SNAP25: variants seen among roughly 807,000 people sequenced by gnomAD.
SNAP25 encodes the protein synaptosomal-associated protein 25.
Under a neutral mutation model 28.7 loss-of-function variants are expected in SNAP25, and 3 were observed. That is an observed-to-expected ratio of 0.10 (90% CI 0.05 to 0.27). SNAP25 has a LOEUF of 0.27. SNAP25 is among the 10% of genes least tolerant of loss of function. SNAP25 has a pLI of 1.00. For missense variants in SNAP25, 117 were observed against 278.7 expected (o/e 0.42, Z 4.13); for synonymous variants, 61 against 88.1 (o/e 0.69, Z 1.72).
At chr20:10,222,773 T>C (rs928168931) in intron 1 of SNAP25, among the ~76,000 whole-genome samples, 1 of 152,218 alleles carries the variant, frequency 6.6e-6, no homozygotes, top group African/African-American at 2.4e-5. Context: ...AATCAGTCCT[T>C]ACTGAAGCAT....
intron 5 of SNAP25, among the ~76,000 whole-genome samples, chr20:10,295,962 G>A (rs990391006): frequency 2.6e-5 from 4 of 152,146 alleles, no homozygotes; most frequent in African/African-American, 9.7e-5. Context: ...TTTAAACTAG[G>A]AGTTTGTAAG....
At chr20:10,301,488 C>T (rs1032001530) in intron 7 of SNAP25, among the ~76,000 whole-genome samples, 4 of 152,102 alleles carry the variant, frequency 2.6e-5, no homozygotes, top group African/African-American at 4.8e-5. Flanking sequence ...ATGATCATGT[C>T]GCATGAACTG....
chr20:10,227,505 C>T (rs532962883), intron 1 of SNAP25, among the ~76,000 whole-genome samples: 4 of 152,190 alleles, frequency 2.6e-5, no homozygotes, highest in Admixed American at 2.0e-4. Context: ...GTTGTGTACC[C>T]TTGCACATAG....
At chr20:10,292,107 A>G (rs979644969) in intron 4 of SNAP25, among the ~76,000 whole-genome samples, 2 of 152,198 alleles carry the variant, frequency 1.3e-5, no homozygotes, top group Non-Finnish European at 2.9e-5. Context: ...CCAAAGAGAC[A>G]TTCATTCTCC....
chr20:10,274,445 CAAAAT>C (rs1487044923), intron 1 of SNAP25, among the ~76,000 whole-genome samples: 2 of 151,954 alleles, frequency 1.3e-5, no homozygotes, highest in African/African-American at 4.8e-5. Context: ...AGATAAATCT[CAAAAT>C]AATTATGCTA....
chr20:10,248,516 T>C (rs2063169278), intron 1 of SNAP25, among the ~76,000 whole-genome samples: 1 of 152,254 alleles, frequency 6.6e-6, no homozygotes, highest in African/African-American at 2.4e-5. Context: ...TATATTTAAA[T>C]ATCCAGTAAT....
intron 4 of SNAP25, 107 bp downstream of exon 4, chr20:10,284,879 A>G: frequency 2.4e-6 from 2 of 831,168 alleles, no homozygotes; most frequent in Non-Finnish European, 4.0e-6. Context: ...TTACACATGT[A>G]CACGAATGTG....
intron 1 of SNAP25, among the ~76,000 whole-genome samples, chr20:10,247,397 T>C (rs1199340905): frequency 6.6e-6 from 1 of 152,202 alleles, no homozygotes; most frequent in Non-Finnish European, 1.5e-5. Flanking sequence ...ATTCTTCCTG[T>C]CCTAGCCCAC....
intron 1 of SNAP25, among the ~76,000 whole-genome samples, chr20:10,249,023 G>A (rs2063178488): frequency 6.6e-6 from 1 of 152,132 alleles, no homozygotes; most frequent in Non-Finnish European, 1.5e-5. Context: ...TCGATAAATA[G>A]GCCATGGACA....
At chr20:10,298,366 CCA>C (rs2064160177) in intron 6 of SNAP25, among the ~76,000 whole-genome samples, 2 of 152,158 alleles carry the variant, frequency 1.3e-5, no homozygotes, top group Non-Finnish European at 2.9e-5. Context: ...GCTTTTGAAA[CCA>C]TAATGAGCCA....
chr20:10,219,511 G>A (rs2062584507), intron 1 of SNAP25: 1 of 152,242 alleles, frequency 6.6e-6, no homozygotes, highest in Admixed American at 6.5e-5. Context: ...TATGCCGCCT[G>A]CTCCACGTCA....
chr20:10,230,255 G>A (rs967581039), intron 1 of SNAP25, among the ~76,000 whole-genome samples: 2 of 152,220 alleles, frequency 1.3e-5, no homozygotes, highest in South Asian at 2.1e-4. Flanking sequence ...GGGTGGGAGG[G>A]ACAAGTAAAG....
chr20:10,229,686 C>T (rs1255866626), intron 1 of SNAP25, among the ~76,000 whole-genome samples: 1 of 152,028 alleles, frequency 6.6e-6, no homozygotes, highest in Non-Finnish European at 1.5e-5. Flanking sequence ...GTTAGGCTAT[C>T]GTTGCTTGTT....
intron 5 of SNAP25, chr20:10,296,581 T>C: frequency 3.9e-6 from 1 of 254,956 alleles, no homozygotes; most frequent in Non-Finnish European, 7.6e-6. Flanking sequence ...CTGTTTTATG[T>C]CTCCAAATAT....
intron 7 of SNAP25, among the ~76,000 whole-genome samples, chr20:10,304,009 G>C (rs1399153055): frequency 6.6e-6 from 1 of 152,178 alleles, no homozygotes; most frequent in Non-Finnish European, 1.5e-5. Context: ...TTCTCATACG[G>C]TAACAATAAT....
intron 1 of SNAP25, among the ~76,000 whole-genome samples, chr20:10,267,145 A>C (rs1480019576): frequency 1.3e-5 from 2 of 152,202 alleles, no homozygotes; most frequent in Non-Finnish European, 2.9e-5. Flanking sequence ...TAACTCTTGC[A>C]TTAGAGAGGA....
chr20:10,283,725 G>A (rs577981653), intron 3 of SNAP25, among the ~76,000 whole-genome samples: 67 of 152,260 alleles, frequency 4.4e-4, no homozygotes, highest in Middle Eastern at 3.4e-3. Flanking sequence ...CCATGAGAGA[G>A]GTCCTAGCTT....
chr20:10,220,322 A>G (rs1017813473), intron 1 of SNAP25, among the ~76,000 whole-genome samples: 20 of 152,240 alleles, frequency 1.3e-4, no homozygotes, highest in South Asian at 6.2e-4. Context: ...TACTGAATAG[A>G]TTTAACCTCT....
intron 7 of SNAP25, 33 bp from the exon 8 acceptor site, chr20:10,306,096 A>C (rs1351975148): frequency 3.1e-6 from 5 of 1,609,864 alleles, no homozygotes; most frequent in Non-Finnish European, 4.2e-6. Flanking sequence ...TTAAGGGGTA[A>C]CCTGAGTTCT....
Sources: gnomAD v4.1 joint callset for allele counts (sites outside exome capture counted in the v4.1 genomes callset) on GRCh38, gnomAD v4.1.1 for gene constraint, MANE v1.5 for transcripts, NCBI Gene and HGNC (gene_info 2026-07-23, HGNC 2026-07-21) for gene names.